The following EIF3H variants were observed in gnomAD, a reference collection of about 807,000 sequenced individuals.
EIF3H encodes the protein eukaryotic translation initiation factor 3 subunit H.
A neutral mutation model predicts 44.2 loss-of-function variants in EIF3H; 26 were observed. The observed-to-expected ratio is 0.59, with a 90% confidence interval of 0.43 to 0.82. The LOEUF is 0.82. Among genes scored for constraint, EIF3H ranks in the 40% least tolerant of loss-of-function variants. The probability of loss-of-function intolerance (pLI) is 0.00; values close to 1 mark genes in which losing one functional copy is unlikely to be tolerated. For synonymous variants in EIF3H, 166 were observed against 151.9 expected (o/e 1.09, Z -0.68); for missense variants, 359 against 432.8 (o/e 0.83, Z 1.51).
chr8:116,691,974 C>G (rs1185784352), intron 2 of EIF3H, among the ~76,000 whole-genome samples: 2 of 152,016 alleles, frequency 1.3e-5, no homozygotes, highest in South Asian at 2.1e-4. Flanking sequence ...CCTCCTGGAA[C>G]AGAAGTTTTC....
intron 5 of EIF3H, among the ~76,000 whole-genome samples, chr8:116,650,252 G>A (rs1041947864): frequency 1.3e-5 from 2 of 152,162 alleles, no homozygotes; most frequent in Non-Finnish European, 2.9e-5. Context: ...CGAGGATGTG[G>A]AAAAATGAAA....
chr8:116,734,502 G>A (rs766866079), intron 1 of EIF3H: 21 of 392,742 alleles, frequency 5.3e-5, no homozygotes, highest in African/African-American at 3.4e-4. Context: ...AGTGATACAC[G>A]TTCACGTTTT....
chr8:116,729,287 GCA>G (rs1302341471), intron 1 of EIF3H, among the ~76,000 whole-genome samples: 3 of 152,162 alleles, frequency 2.0e-5, no homozygotes, highest in African/African-American at 4.8e-5. Context: ...ACTAGGACCA[GCA>G]CAGTTTCATA....
chr8:116,736,654 T>C (rs1815046537), intron 1 of EIF3H, among the ~76,000 whole-genome samples: 1 of 151,848 alleles, frequency 6.6e-6, no homozygotes, highest in Non-Finnish European at 1.5e-5. Context: ...AGAGCAAGAC[T>C]CCGTCTCACA....
chr8:116,673,674 A>C (rs1813793947), intron 2 of EIF3H, among the ~76,000 whole-genome samples: 1 of 152,160 alleles, frequency 6.6e-6, no homozygotes, highest in African/African-American at 2.4e-5. Context: ...TCTCGTCTCT[A>C]ACTTCGAAGA....
intron 2 of EIF3H, among the ~76,000 whole-genome samples, chr8:116,669,701 G>C (rs1003451880): frequency 1.3e-5 from 2 of 152,184 alleles, no homozygotes; most frequent in African/African-American, 4.8e-5. Context: ...AAGAAAGCCT[G>C]AGGAATATAA....
chr8:116,682,911 G>T (rs528836657), intron 2 of EIF3H, among the ~76,000 whole-genome samples: 15 of 152,110 alleles, frequency 9.9e-5, no homozygotes, highest in Non-Finnish European at 2.1e-4. Flanking sequence ...ACTGAATTAT[G>T]ACTACTACAT....
At chr8:116,746,156 A>G (rs867280976) in intron 1 of EIF3H, among the ~76,000 whole-genome samples, 1 of 152,230 alleles carries the variant, frequency 6.6e-6, no homozygotes, top group Non-Finnish European at 1.5e-5. Flanking sequence ...ATCTTCTACA[A>G]TATGACTGAT....
chr8:116,706,021 A>C (rs1448836640), intron 2 of EIF3H, among the ~76,000 whole-genome samples: 1 of 152,104 alleles, frequency 6.6e-6, no homozygotes, highest in Non-Finnish European at 1.5e-5. Context: ...CCATGGATAA[A>C]CTTTCTTGGA....
chr8:116,724,007 A>G (rs927472291), intron 2 of EIF3H, among the ~76,000 whole-genome samples: 1 of 152,244 alleles, frequency 6.6e-6, no homozygotes, highest in African/African-American at 2.4e-5. Flanking sequence ...CTGAATAGGC[A>G]AAACAATCTC....
At chr8:116,733,477 T>C (rs1814983916) in intron 1 of EIF3H, among the ~76,000 whole-genome samples, 1 of 152,020 alleles carries the variant, frequency 6.6e-6, no homozygotes, top group African/African-American at 2.4e-5. Flanking sequence ...TCAGGTGTGA[T>C]CAAAGAAAAA....
At chr8:116,752,736 A>AAGGGAAAGAAAGAAGG (rs1435243692) in intron 1 of EIF3H, among the ~76,000 whole-genome samples, 4 of 87,070 alleles carry the variant, frequency 4.6e-5, no homozygotes, top group Admixed American at 4.5e-4. Flanking sequence ...AAGAAAGAAG[A>AAGGGAAAGAAAGAAGG]GAAAGAAAGA....
chr8:116,660,270 A>C (rs575310261), intron 2 of EIF3H, among the ~76,000 whole-genome samples: 2 of 152,346 alleles, frequency 1.3e-5, no homozygotes, highest in South Asian at 4.1e-4. Flanking sequence ...TTTCATTTTC[A>C]AAATTCTTAC....
intron 2 of EIF3H, among the ~76,000 whole-genome samples, chr8:116,664,388 C>T (rs1393917055): frequency 6.6e-6 from 1 of 152,174 alleles, no homozygotes; most frequent in African/African-American, 2.4e-5. Context: ...TCTGAAGTTG[C>T]AATGGCAACC....
chr8:116,758,371 T>C (rs1057459800), upstream of EIF3H, among the ~76,000 whole-genome samples: 19 of 152,132 alleles, frequency 1.2e-4, no homozygotes, highest in African/African-American at 4.6e-4. Flanking sequence ...AAAAATCTCA[T>C]AGAGCTGAAA....
chr8:116,764,146 C>T (rs765035253), intron 1 of EIF3H, among the ~76,000 whole-genome samples: 79 of 152,208 alleles, frequency 5.2e-4, no homozygotes, highest in Non-Finnish European at 8.5e-4. Flanking sequence ...TTCTATTTGG[C>T]ATGGAAAATG....
Position 116,645,032 on chromosome 8 carries a change from G to A in EIF3H, c.1033C>T (p.Gln345Ter), listed in dbSNP as rs778166963. 3.1e-6 allele frequency: 5 copies of A among 1,614,056 alleles called. No homozygotes were observed. Among genetic ancestry groups the A allele is most frequent in the Non-Finnish European group, 4.2e-6 (5 of 1,179,960 alleles). Residue 345 changes from glutamine (Q) to a stop codon, truncating the protein, a stop_gained, in exon 8 of 8, where the codon CAG becomes TAG. Coordinates refer to ENST00000521861, the MANE Select transcript of EIF3H (RefSeq NM_003756.3). LOFTEE classifies it high-confidence loss of function. ...TAGTTGTTGTATTCTTGAAGAGCCTGGGCCATGAAGAGCTTGCCTAAGTTT... is the reference window on the plus strand; with the variant it reads ...TAGTTGTTGTATTCTTGAAGAGCCTAGGCCATGAAGAGCTTGCCTAAGTTT... The part of the protein sequence containing the change: ...AQNLGKLFMA[Q>*]ALQEYNN
chr8:116,670,545 T>C (rs1472302909), intron 2 of EIF3H, among the ~76,000 whole-genome samples: 1 of 152,212 alleles, frequency 6.6e-6, no homozygotes, highest in Non-Finnish European at 1.5e-5. Flanking sequence ...CTAACTACTC[T>C]GTGATCCAGA....
At chr8:116,734,267 G>A (rs528757923) in intron 1 of EIF3H, 206 of 455,772 alleles carry the variant, frequency 4.5e-4, no homozygotes, top group African/African-American at 3.4e-3. Context: ...GGGCAGGGAA[G>A]CAGCCTTACC....
Sources: allele counts gnomAD v4.1 joint callset (sites outside exome capture counted in the v4.1 genomes callset), GRCh38; gene constraint gnomAD v4.1.1; transcripts MANE v1.5; gene names NCBI Gene and HGNC (gene_info 2026-07-23, HGNC 2026-07-21).